The following VAX2 variants were observed in gnomAD, a reference collection of about 807,000 sequenced individuals.
VAX2 encodes ventral anterior homeobox 2.
A neutral mutation model predicts 12.5 loss-of-function variants in VAX2; 8 were observed. The observed-to-expected ratio is 0.64, with a 90% confidence interval of 0.37 to 1.15. The LOEUF is 1.15. VAX2 is among the 50% of genes most tolerant of loss of function. The probability of loss-of-function intolerance (pLI) is 0.01; values close to 1 mark genes in which losing one functional copy is unlikely to be tolerated. For missense variants in VAX2, 476 were observed against 412.9 expected, an observed-to-expected ratio of 1.15 and a Z score of -1.32; for synonymous variants, 183 against 187.6, an observed-to-expected ratio of 0.98 and a Z score of 0.20.
intron 1 of VAX2, among the ~76,000 whole-genome samples, chr2:70,920,398 G>A (rs899360876): frequency 6.6e-5 from 10 of 152,220 alleles, no homozygotes; most frequent in South Asian, 6.2e-4. Context: ...CCCTCTGTGC[G>A]GAGGGCATTG....
chr2:70,921,405 G>A, intron 2 of VAX2, 120 bp downstream of exon 2: 1 of 1,170,682 alleles, frequency 8.5e-7, no homozygotes, highest in Non-Finnish European at 1.1e-6. Flanking sequence ...AGACAAGCAT[G>A]AGGGAAAGAC....
chr2:70,930,629 A>G (rs1679674624), intron 2 of VAX2, among the ~76,000 whole-genome samples: 1 of 152,220 alleles, frequency 6.6e-6, no homozygotes, highest in Non-Finnish European at 1.5e-5. Context: ...GCCTTTGCTG[A>G]AGGGCCAGTC....
intron 1 of VAX2, among the ~76,000 whole-genome samples, chr2:70,903,535 T>G (rs1390477819): frequency 6.6e-6 from 1 of 152,218 alleles, no homozygotes; most frequent in Admixed American, 6.5e-5. Context: ...TTATAGCCCT[T>G]TAAACCTGAA....
chr2:70,905,608 G>A (rs1679038767), intron 1 of VAX2, among the ~76,000 whole-genome samples: 1 of 152,134 alleles, frequency 6.6e-6, no homozygotes, highest in African/African-American at 2.4e-5. Flanking sequence ...CCCTCCTCAG[G>A]CGATTTCTGT....
intron 1 of VAX2, among the ~76,000 whole-genome samples, chr2:70,915,487 C>T (rs1553411832): frequency 6.6e-6 from 1 of 152,152 alleles, no homozygotes. Flanking sequence ...GCCTCAGCCT[C>T]CCAAAGTGCT....
Position 70,904,159 on chromosome 2 carries a change from C to A in VAX2, c.247+3291C>A, listed in dbSNP as rs1020326499. Among the ~76,000 whole-genome samples the A allele has an allele frequency of 1.3e-5, 2 of 152,254 alleles. No homozygotes were observed. Among genetic ancestry groups the A allele is most frequent in the African/African-American group, 4.8e-5 (2 of 41,474 alleles). On this transcript the variant is annotated intron_variant, in intron 1 of 2. Transcript: ENST00000234392. The surrounding 1 kb of genome is among the most constrained non-coding windows in gnomAD (Gnocchi z 4.2). Reference sequence around the variant, plus strand: ...TAAGGCCTGAGAAGGCCGCTCCACACCTCCGCGTGCACAGTCCCTAGACCA... The same window carrying A: ...TAAGGCCTGAGAAGGCCGCTCCACAACTCCGCGTGCACAGTCCCTAGACCA...
chr2:70,902,110 C>T (rs115595335), intron 1 of VAX2, among the ~76,000 whole-genome samples: 1,727 of 152,326 alleles, frequency 0.011, 35 homozygotes, highest in African/African-American at 0.038. Flanking sequence ...AGCTCGGCTA[C>T]CCTCAAGCTG....
chr2:70,916,581 C>T (rs11683475), intron 1 of VAX2, among the ~76,000 whole-genome samples: 3,061 of 152,256 alleles, frequency 0.02, 43 homozygotes, highest in Admixed American at 0.05. Flanking sequence ...GTCTCCACCT[C>T]TATAATTTTG....
intron 1 of VAX2, among the ~76,000 whole-genome samples, chr2:70,912,914 AG>A (rs1388310510): frequency 3.4e-5 from 5 of 146,130 alleles, no homozygotes; most frequent in Non-Finnish European, 7.4e-5. Flanking sequence ...AGGAGACTTG[AG>A]GGGTAGCAAA....
chr2:70,905,269 G>A (rs1175628168), intron 1 of VAX2, among the ~76,000 whole-genome samples: 1 of 152,172 alleles, frequency 6.6e-6, no homozygotes, highest in African/African-American at 2.4e-5. Flanking sequence ...GCAAGGAATT[G>A]CACTTTGAGA....
chr2:70,926,833 A>G (rs1679585158), intron 2 of VAX2, among the ~76,000 whole-genome samples: 1 of 152,288 alleles, frequency 6.6e-6, no homozygotes, highest in South Asian at 2.1e-4. Flanking sequence ...CATCACAACA[A>G]AACTATGAGG....
chr2:70,918,715 T>C (rs1293608854), intron 1 of VAX2, among the ~76,000 whole-genome samples: 3 of 151,382 alleles, frequency 2.0e-5, no homozygotes, highest in Non-Finnish European at 2.9e-5. Flanking sequence ...GCTAACATGG[T>C]GAAACCCCGT....
intron 1 of VAX2, among the ~76,000 whole-genome samples, chr2:70,903,911 C>G (rs1193963461): frequency 6.6e-6 from 1 of 152,190 alleles, no homozygotes; most frequent in Non-Finnish European, 1.5e-5. Flanking sequence ...GCAGCCCTCC[C>G]CAATCTCCTT....
At chr2:70,917,787 T>C (rs1397762916) in intron 1 of VAX2, among the ~76,000 whole-genome samples, 1 of 152,154 alleles carries the variant, frequency 6.6e-6, no homozygotes, top group Non-Finnish European at 1.5e-5. Context: ...GAAGGATGGT[T>C]TGATCTCATG....
chr2:70,906,000 C>T (rs1247741065), intron 1 of VAX2, among the ~76,000 whole-genome samples: 2 of 152,190 alleles, frequency 1.3e-5, no homozygotes, highest in Non-Finnish European at 2.9e-5. Flanking sequence ...GGAGGTGGAG[C>T]ATATGAATTT....
At position 70,929,864 on chromosome 2, in the gene VAX2, G is replaced by C. The variant is rs1288240023; in HGVS notation, c.436-2903G>C. ...TTGACAGACAGGCTTGTTTGTGTTT[G>C]TTGTTCATCCTCTGCCTCCCCAACT... is the stretch of plus-strand genomic sequence containing the variant. On this transcript the variant is annotated intron_variant, in intron 2 of 2. Coordinates refer to ENST00000234392, the MANE Select transcript of VAX2 (RefSeq NM_012476.3). Among the ~76,000 whole-genome samples, 3 of 152,168 alleles carry C rather than the reference G, an allele frequency of 2.0e-5. No individual in the cohort carries two copies. In the East Asian group the frequency reaches 5.8e-4, roughly 29 times the overall value.
At position 70,921,110 on chromosome 2, in the gene VAX2, C is replaced by A. The variant is rs1233621809; in HGVS notation, c.260C>A (p.Thr87Lys). 4 of 1,600,960 alleles carry A rather than the reference C, an allele frequency of 2.5e-6. No individual in the cohort carries two copies. The highest frequency in any genetic ancestry group is 2.7e-5 in the African/African-American group (2 of 74,378). ...ATGGCCTCTGCAGATGCCAAAGGGA[C>A]AATTCGGGAAATTGTCCTGCCTAAG... ...RRILVRDAKG[T>K]IREIVLPKGL... is the part of the protein sequence containing the mutation. The change falls in exon 2 of 3, where the codon ACA (threonine) becomes AAA (lysine). Residue 87 changes from threonine (T) to lysine (K), a missense_variant. Coordinates refer to ENST00000234392, the MANE Select transcript of VAX2 (RefSeq NM_012476.3).
chr2:70,915,681 C>T (rs1475587774), intron 1 of VAX2, among the ~76,000 whole-genome samples: 8 of 152,032 alleles, frequency 5.3e-5, no homozygotes, highest in African/African-American at 1.5e-4. Context: ...ATTTATGGAG[C>T]GAGATAGGAA....
intron 2 of VAX2, among the ~76,000 whole-genome samples, chr2:70,922,625 G>A (rs1679483224): frequency 6.7e-6 from 1 of 150,062 alleles, no homozygotes; most frequent in Admixed American, 6.6e-5. Context: ...GAGAAGGGGT[G>A]AGAGGCAGAG....
Sources: gnomAD v4.1 joint callset for allele counts (sites outside exome capture counted in the v4.1 genomes callset) on GRCh38, gnomAD v4.1.1 for gene constraint, Gnocchi (gnomAD v3.1) non-coding constraint, MANE v1.5 for transcripts, NCBI Gene and HGNC (gene_info 2026-07-23, HGNC 2026-07-21) for gene names.